GCNT1: variants seen among roughly 807,000 people sequenced by gnomAD.
The protein encoded by GCNT1 is beta-1,3-galactosyl-O-glycosyl-glycoprotein beta-1,6-N-acetylglucosaminyltransferase.
A neutral mutation model predicts 26.2 loss-of-function variants in GCNT1; 16 were observed. The observed-to-expected ratio is 0.61, with a 90% CI of 0.41 to 0.93. The LOEUF is 0.93. GCNT1 is among the 40% of genes least tolerant of loss of function. The pLI is 0.00. For missense variants in GCNT1, 477 were observed against 526.7 expected, an observed-to-expected ratio of 0.91 and a Z score of 0.92; for synonymous variants, 183 against 190.8, an observed-to-expected ratio of 0.96 and a Z score of 0.34.
At chr9:76,421,689 GTTTTTT>G (rs1182829928) in intron 1 of GCNT1, among the ~76,000 whole-genome samples, 1 of 74,766 alleles carries the variant, frequency 1.3e-5, no homozygotes, top group Non-Finnish European at 2.3e-5. Context: ...TTTGTAGGTT[GTTTTTT>G]TTTTTTTTTT....
chr9:76,506,534 CCAAA>C lies in GCNT1; in HGVS notation c.*2879_*2882del, dbSNP rs763832582. ...GGGTGACAGAGTGAAACTCGTATCT[CCAAA>C]CAAACAAACAAAAAGTCCTTAAACA... On this transcript the variant is annotated 3_prime_UTR_variant, in exon 4 of 4. Transcript: ENST00000376730. 4.6e-4 allele frequency: 77 copies of C among 166,862 alleles called. No homozygotes were observed. Among genetic ancestry groups the C allele is most frequent in the Admixed American group, 8.5e-4 (13 of 15,286 alleles). The allele number at this position is 166,862 out of a possible 1,614,324, so 10.3% of individuals were successfully genotyped here. A position where few individuals can be genotyped will look rare whatever the true frequency, so the allele number is the denominator to read the frequency against.
At chr9:76,491,704 A>C (rs753654165) in intron 2 of GCNT1, among the ~76,000 whole-genome samples, 11 of 152,122 alleles carry the variant, frequency 7.2e-5, no homozygotes, top group Non-Finnish European at 1.5e-4. Context: ...AGCTAAGGGG[A>C]CTTCTAAGAG....
At chr9:76,475,784 A>C (rs577578419) in intron 2 of GCNT1, among the ~76,000 whole-genome samples, 2 of 152,354 alleles carry the variant, frequency 1.3e-5, no homozygotes, top group Admixed American at 1.3e-4. Flanking sequence ...CACTGAACAA[A>C]TGAGAGGAGT....
intron 2 of GCNT1, among the ~76,000 whole-genome samples, chr9:76,469,698 C>A (rs1226395316): frequency 6.6e-6 from 1 of 152,196 alleles, no homozygotes; most frequent in Non-Finnish European, 1.5e-5. Flanking sequence ...CCTGATCCAG[C>A]GAGGCGCCCA....
At chr9:76,460,360 G>A (rs1427026100) in intron 2 of GCNT1, among the ~76,000 whole-genome samples, 183 bp downstream of exon 2, 1 of 152,254 alleles carries the variant, frequency 6.6e-6, no homozygotes, top group East Asian at 1.9e-4. Context: ...TGAGAATGCG[G>A]CCACAGCTTT....
the GCNT1 span, among the ~76,000 whole-genome samples, chr9:76,396,857 C>G: frequency 2.0e-5 from 3 of 152,116 alleles, no homozygotes; most frequent in South Asian, 4.1e-4. Context: ...GGTGGTGGCT[C>G]GTGCCTATAG....
At chr9:76,422,149 C>T (rs1425935505) in intron 1 of GCNT1, among the ~76,000 whole-genome samples, 1 of 152,086 alleles carries the variant, frequency 6.6e-6, no homozygotes, top group African/African-American at 2.4e-5. Context: ...ATGGGAGAAA[C>T]CACCCCCATG....
intron 2 of GCNT1, among the ~76,000 whole-genome samples, chr9:76,484,508 T>C (rs1289984378): frequency 1.3e-5 from 2 of 152,202 alleles, no homozygotes; most frequent in Non-Finnish European, 2.9e-5. Flanking sequence ...ACAGTGTTTT[T>C]GTATTTTTGC....
At chr9:76,422,986 T>C (rs1012148118) in intron 1 of GCNT1, among the ~76,000 whole-genome samples, 5 of 152,254 alleles carry the variant, frequency 3.3e-5, no homozygotes, top group African/African-American at 1.2e-4. Context: ...TCTGAGCACA[T>C]TTAAGTTAAC....
the GCNT1 span, chr9:76,394,127 G>C: frequency 1.9e-6 from 3 of 1,609,750 alleles, no homozygotes; most frequent in Non-Finnish European, 2.5e-6. Context: ...CGCGGCCGAA[G>C]CCCCGCACCA....
At chr9:76,477,247 G>A (rs1207150399) in intron 2 of GCNT1, among the ~76,000 whole-genome samples, 1 of 151,874 alleles carries the variant, frequency 6.6e-6, no homozygotes, top group African/African-American at 2.4e-5. Flanking sequence ...CTCTTCTGGG[G>A]CCTGGAGTGG....
the GCNT1 span, among the ~76,000 whole-genome samples, chr9:76,398,204 A>G: frequency 3.3e-5 from 5 of 152,366 alleles, no homozygotes; most frequent in Middle Eastern, 6.8e-3. Flanking sequence ...AAGAAGGCTT[A>G]TTCTAAGTAA....
the GCNT1 span, among the ~76,000 whole-genome samples, chr9:76,395,713 C>T: frequency 2.6e-5 from 4 of 152,148 alleles, no homozygotes; most frequent in African/African-American, 4.8e-5. Context: ...TGGTCAGTTA[C>T]TTATCTATAC....
chr9:76,426,576 A>T (rs1386838469), intron 1 of GCNT1, among the ~76,000 whole-genome samples: 2 of 152,174 alleles, frequency 1.3e-5, no homozygotes, highest in African/African-American at 4.8e-5. Flanking sequence ...TCAAAAAAAA[A>T]GAAAAGAAAA....
intron 2 of GCNT1, among the ~76,000 whole-genome samples, chr9:76,499,812 A>G (rs1417399199): frequency 6.6e-6 from 1 of 152,198 alleles, no homozygotes; most frequent in Non-Finnish European, 1.5e-5. Context: ...TTAAGCCAGT[A>G]TTTATACATT....
At chr9:76,402,212 G>T in the GCNT1 span, among the ~76,000 whole-genome samples, 3 of 152,098 alleles carry the variant, frequency 2.0e-5, no homozygotes. Context: ...CCTCCCACTT[G>T]CTCTTAGCTT....
intron 1 of GCNT1, among the ~76,000 whole-genome samples, chr9:76,452,621 G>A (rs911390646): frequency 1.3e-5 from 2 of 152,034 alleles, no homozygotes; most frequent in South Asian, 2.1e-4. Flanking sequence ...GGGAGGAGGT[G>A]CCACATACTT....
upstream of GCNT1, among the ~76,000 whole-genome samples, chr9:76,437,455 G>A (rs1014426034): frequency 3.3e-5 from 5 of 152,280 alleles, no homozygotes; most frequent in Admixed American, 1.3e-4. Context: ...CCATGGCAAC[G>A]TCAGGAAGTT....
At chr9:76,431,284 C>G (rs536933681) in intron 1 of GCNT1, among the ~76,000 whole-genome samples, 14 of 152,226 alleles carry the variant, frequency 9.2e-5, no homozygotes, top group African/African-American at 3.4e-4. Flanking sequence ...CAAGACTGCC[C>G]TCACATCAGA....
Sources: allele counts gnomAD v4.1 joint callset (sites outside exome capture counted in the v4.1 genomes callset), GRCh38; gene constraint gnomAD v4.1.1; transcripts MANE v1.5; gene names NCBI Gene and HGNC (gene_info 2026-07-23, HGNC 2026-07-21).